Variants in CNTNAP2 observed in about 807,000 individuals in gnomAD.
CNTNAP2 encodes the protein contactin-associated protein-like 2.
A neutral mutation model predicts 155.2 loss-of-function variants in CNTNAP2; 98 were observed. The observed-to-expected ratio is 0.63, with a 90% CI of 0.54 to 0.75. CNTNAP2 has a LOEUF of 0.75. Among genes scored for constraint, CNTNAP2 ranks in the 30% least tolerant of loss-of-function variants. The pLI, the probability that CNTNAP2 is intolerant of heterozygous loss-of-function variation, is 0.00. For synonymous variants in CNTNAP2, 651 were observed against 631.2 expected (o/e 1.03, Z -0.47); for missense variants, 1,727 against 1,688.1 (o/e 1.02, Z -0.40).
chr7:147,239,161 T>C (rs1239589093), intron 8 of CNTNAP2, among the ~76,000 whole-genome samples: 1 of 152,124 alleles, frequency 6.6e-6, no homozygotes, highest in Non-Finnish European at 1.5e-5. Context: ...AAAACTCTGC[T>C]TGATAAAAAC....
chr7:148,227,398 A>C (rs1009775672), intron 19 of CNTNAP2, among the ~76,000 whole-genome samples: 2 of 152,188 alleles, frequency 1.3e-5, no homozygotes, highest in African/African-American at 2.4e-5. Flanking sequence ...GCAAAGGATA[A>C]GAGGCCTCAC....
chr7:147,118,024 T>C (rs1801024035), intron 5 of CNTNAP2, among the ~76,000 whole-genome samples: 1 of 152,092 alleles, frequency 6.6e-6, no homozygotes, highest in African/African-American at 2.4e-5. Context: ...TAAGAAATTA[T>C]ACCACTGCAT....
intron 3 of CNTNAP2, among the ~76,000 whole-genome samples, chr7:147,032,768 CAG>C (rs1799060894): frequency 6.6e-6 from 1 of 151,804 alleles, no homozygotes; most frequent in Non-Finnish European, 1.5e-5. Context: ...AAGAGGGAGT[CAG>C]AGAGTAAGAA....
At chr7:148,113,672 C>T (rs1489472583) in intron 15 of CNTNAP2, among the ~76,000 whole-genome samples, 1 of 152,222 alleles carries the variant, frequency 6.6e-6, no homozygotes, top group African/African-American at 2.4e-5. Flanking sequence ...CAGCCCCGCT[C>T]TCCTGCACTA....
chr7:147,048,332 G>A (rs1003187163), intron 4 of CNTNAP2, among the ~76,000 whole-genome samples: 11 of 152,030 alleles, frequency 7.2e-5, no homozygotes, highest in Non-Finnish European at 1.5e-4. Context: ...GTGATATGGC[G>A]ATAAGCCAAG....
chr7:147,622,171 C>G (rs1004581269), intron 12 of CNTNAP2, among the ~76,000 whole-genome samples: 1 of 151,744 alleles, frequency 6.6e-6, no homozygotes, highest in African/African-American at 2.4e-5. Flanking sequence ...AGAGATGGGC[C>G]CCAATACAAT....
intron 2 of CNTNAP2, among the ~76,000 whole-genome samples, chr7:146,813,699 T>C (rs553982002): frequency 6.6e-6 from 1 of 152,228 alleles, no homozygotes; most frequent in African/African-American, 2.4e-5. Flanking sequence ...TGTTTCGAAA[T>C]GTGAGGACTT....
At chr7:147,866,713 A>G (rs1799235207) in intron 13 of CNTNAP2, among the ~76,000 whole-genome samples, 2 of 150,776 alleles carry the variant, frequency 1.3e-5, no homozygotes, top group Admixed American at 6.6e-5. Flanking sequence ...TTGTTGGTTT[A>G]AAGTCTGTTT....
At chr7:146,304,180 G>T (rs572452296) in intron 1 of CNTNAP2, among the ~76,000 whole-genome samples, 1 of 150,940 alleles carries the variant, frequency 6.6e-6, no homozygotes, top group South Asian at 2.1e-4. Context: ...TGTGAGATGG[G>T]TCTCCTGAAT....
At chr7:147,858,168 A>G (rs1799072736) in intron 13 of CNTNAP2, among the ~76,000 whole-genome samples, 1 of 152,014 alleles carries the variant, frequency 6.6e-6, no homozygotes, top group South Asian at 2.1e-4. Flanking sequence ...GCTTACTGCA[A>G]CCTCCACCTC....
intron 16 of CNTNAP2, among the ~76,000 whole-genome samples, chr7:148,129,912 G>A (rs1355012995): frequency 6.6e-6 from 1 of 152,202 alleles, no homozygotes; most frequent in Admixed American, 6.5e-5. Context: ...GGATGATGGG[G>A]GGAGGGATGT....
At chr7:146,673,386 A>G (rs780004377) in intron 1 of CNTNAP2, among the ~76,000 whole-genome samples, 3 of 152,204 alleles carry the variant, frequency 2.0e-5, no homozygotes, top group South Asian at 2.1e-4. Flanking sequence ...TTTACATTCT[A>G]TATATAATAG....
chr7:147,677,278 A>G (rs1486108892), intron 13 of CNTNAP2, among the ~76,000 whole-genome samples: 1 of 151,846 alleles, frequency 6.6e-6, no homozygotes, highest in Non-Finnish European at 1.5e-5. Flanking sequence ...GCATTTTTTC[A>G]TATAGCTATT....
At chr7:147,472,920 G>A (rs1321273086) in intron 10 of CNTNAP2, among the ~76,000 whole-genome samples, 2 of 152,146 alleles carry the variant, frequency 1.3e-5, no homozygotes, top group African/African-American at 4.8e-5. Flanking sequence ...GAGTGTCCAA[G>A]TTTCAGGCTC....
At chr7:146,127,253 A>G (rs915945878) in intron 1 of CNTNAP2, among the ~76,000 whole-genome samples, 1 of 152,176 alleles carries the variant, frequency 6.6e-6, no homozygotes, top group Non-Finnish European at 1.5e-5. Context: ...TTTACGGTCC[A>G]AGCCTCAGAA....
At chr7:147,480,906 A>G (rs13230403) in intron 10 of CNTNAP2, among the ~76,000 whole-genome samples, 44,982 of 152,108 alleles carry the variant, frequency 0.3, 7,568 homozygotes, top group Non-Finnish European at 0.37. Context: ...CAAGAATCAG[A>G]ATCTTTAAGA....
intron 1 of CNTNAP2, among the ~76,000 whole-genome samples, chr7:146,411,369 G>A (rs1322866982): frequency 1.3e-5 from 2 of 152,010 alleles, no homozygotes; most frequent in Non-Finnish European, 2.9e-5. Context: ...TGTTGGTCAG[G>A]TTGGTCTCGA....
intron 12 of CNTNAP2, among the ~76,000 whole-genome samples, chr7:147,599,317 AAAAAT>A (rs1344419570): frequency 6.6e-6 from 1 of 151,798 alleles, no homozygotes; most frequent in Non-Finnish European, 1.5e-5. Flanking sequence ...TCTCTACTAA[AAAAAT>A]AAAATAAAAA....
intron 15 of CNTNAP2, among the ~76,000 whole-genome samples, chr7:148,111,044 A>G (rs1014790715): frequency 4.6e-5 from 7 of 152,198 alleles, no homozygotes; most frequent in Admixed American, 6.5e-5. Flanking sequence ...TCAATGGGAC[A>G]GGGGACTCTC....
Sources: allele counts gnomAD v4.1 joint callset (sites outside exome capture counted in the v4.1 genomes callset), GRCh38; gene constraint gnomAD v4.1.1; transcripts MANE v1.5; gene names NCBI Gene and HGNC (gene_info 2026-07-23, HGNC 2026-07-21).